SLCO1B3: variants seen among roughly 807,000 people sequenced by gnomAD.
The protein encoded by SLCO1B3 is liver-specific organic anion transporter 2.
A neutral mutation model predicts 71.8 loss-of-function variants in SLCO1B3; 72 were observed. The ratio of observed to expected loss-of-function variants is 1.00; its 90% CI spans 0.83 to 1.22. SLCO1B3 has a LOEUF of 1.22. Among genes scored for constraint, SLCO1B3 ranks in the 50% most tolerant of loss-of-function variants. SLCO1B3 has a pLI of 0.00. For synonymous variants in SLCO1B3, 298 were observed against 278.4 expected, an observed-to-expected ratio of 1.07 and a Z score of -0.70; for missense variants, 911 against 819.7, an observed-to-expected ratio of 1.11 and a Z score of -1.36.
intron 3 of SLCO1B3, among the ~76,000 whole-genome samples, chr12:20,854,057 G>A (rs1469934669): frequency 6.6e-6 from 1 of 151,984 alleles, no homozygotes; most frequent in East Asian, 1.9e-4. Flanking sequence ...TCATTGCACT[G>A]TAGGAGAAAA....
At chr12:20,835,980 G>T (rs992479481) in intron 3 of SLCO1B3, among the ~76,000 whole-genome samples, 9 of 152,142 alleles carry the variant, frequency 5.9e-5, no homozygotes, top group Non-Finnish European at 1.2e-4. Flanking sequence ...ATTTCAAATG[G>T]CAAGGGAGGC....
At chr12:20,855,856 C>G (rs1226284046) in intron 4 of SLCO1B3, among the ~76,000 whole-genome samples, 1 of 151,632 alleles carries the variant, frequency 6.6e-6, no homozygotes, top group Non-Finnish European at 1.5e-5. Flanking sequence ...ATAGCCTCTG[C>G]TAATTTTCCC....
chr12:20,912,256 T>A (rs567275538), intron 15 of SLCO1B3, among the ~76,000 whole-genome samples: 162 of 151,596 alleles, frequency 1.1e-3, no homozygotes, highest in Middle Eastern at 3.4e-3. Flanking sequence ...AGGACAGATA[T>A]TACATGATTT....
At chr12:20,839,992 T>C (rs1864762036) in intron 3 of SLCO1B3, among the ~76,000 whole-genome samples, 1 of 152,240 alleles carries the variant, frequency 6.6e-6, no homozygotes, top group Admixed American at 6.5e-5. Flanking sequence ...TTTTGATCTC[T>C]AGCATTTGTT....
At chr12:20,870,154 C>G (rs950528792) in intron 8 of SLCO1B3, among the ~76,000 whole-genome samples, 2 of 152,056 alleles carry the variant, frequency 1.3e-5, no homozygotes, top group Non-Finnish European at 2.9e-5. Context: ...CTATTCAGGT[C>G]TTTCACCTAT....
intron 15 of SLCO1B3, among the ~76,000 whole-genome samples, chr12:20,912,664 C>G (rs1471010277): frequency 1.3e-5 from 2 of 151,882 alleles, no homozygotes; most frequent in South Asian, 2.1e-4. Context: ...GCTGGGATTA[C>G]AGGCCTGCAC....
At position 20,888,602 on chromosome 12, in the gene SLCO1B3, G is replaced by A. The variant is rs1239446072; in HGVS notation, c.1682+5000G>A. On this transcript the variant is annotated intron_variant, in intron 13 of 15. Coordinates refer to ENST00000381545, the MANE Select transcript of SLCO1B3 (RefSeq NM_019844.4). ...AGAGGCTTTCAGAGGAGTTTTTAGGGTTTTCTAGGTGTAAGATTATATCAT... is the reference window on the plus strand; with the variant it reads ...AGAGGCTTTCAGAGGAGTTTTTAGGATTTTCTAGGTGTAAGATTATATCAT... 2.0e-5 allele frequency among the ~76,000 whole-genome samples: 3 copies of A among 152,022 alleles called. No homozygotes were observed. In the East Asian group the frequency reaches 5.8e-4, roughly 29 times the overall value.
At chr12:20,891,844 C>T (rs1865910277) in intron 13 of SLCO1B3, among the ~76,000 whole-genome samples, 1 of 151,910 alleles carries the variant, frequency 6.6e-6, no homozygotes, top group Admixed American at 6.6e-5. Flanking sequence ...TTTTGCAGTC[C>T]CTTCAATACA....
In SLCO1B3 at chr12:20,916,022, A is replaced by G. The variant is rs767778205; in HGVS notation, c.1884A>G (p.Leu628=). Residue 628 remains leucine, a synonymous_variant, in exon 16 of 16, where the codon TTA becomes TTG. Transcript: ENST00000381545. ...TTCACAGAAGGGTCTACTTGGGCTT[A>G]TCTATAGCTTTAAGATTCCCAGCAC... is the stretch of plus-strand genomic sequence containing the variant. ...SVFFGRVYLG[L]SIALRFPALV... The G allele has an allele frequency of 7.5e-6, 12 of 1,607,680 alleles. No homozygotes were observed. In the South Asian group the frequency reaches 1.3e-4, roughly 18 times the overall value.
chr12:20,896,760 T>C (rs1023523786), intron 13 of SLCO1B3, among the ~76,000 whole-genome samples: 1 of 152,162 alleles, frequency 6.6e-6, no homozygotes, highest in Non-Finnish European at 1.5e-5. Context: ...CCGGTACCAA[T>C]TTACTGTATT....
chr12:20,858,346 T>C, intron 4 of SLCO1B3, 93 bp from the exon 5 acceptor site: 1 of 847,966 alleles, frequency 1.2e-6, no homozygotes, highest in Non-Finnish European at 1.9e-6. Flanking sequence ...AGGTACAATG[T>C]CTTGGGCATA....
In SLCO1B3 at chr12:20,839,550, A is replaced by G. The variant is rs73081328; in HGVS notation, c.85-15478A>G. On this transcript the variant is annotated intron_variant, in intron 3 of 15. Coordinates refer to ENST00000381545, the MANE Select transcript of SLCO1B3 (RefSeq NM_019844.4). ...TCTTTGTTCCTATATAGGTAAGGAT[A>G]GGTATTTTATTTTCCCTCTGGTTTC... 8.1e-3 allele frequency among the ~76,000 whole-genome samples: 1,238 copies of G among 152,182 alleles called. 10 individuals carry two copies. The highest frequency in any genetic ancestry group is 0.011 in the Non-Finnish European group (769 of 67,978).
intron 13 of SLCO1B3, among the ~76,000 whole-genome samples, chr12:20,890,475 A>G (rs998457615): frequency 6.6e-6 from 1 of 152,214 alleles, no homozygotes; most frequent in African/African-American, 2.4e-5. Flanking sequence ...AGAAGAATGT[A>G]TATTCTGAGG....
intron 3 of SLCO1B3, among the ~76,000 whole-genome samples, chr12:20,845,443 A>G (rs908155132): frequency 5.3e-5 from 8 of 152,186 alleles, no homozygotes. Flanking sequence ...ACCTGTGACT[A>G]CCGCATTTGT....
At chr12:20,914,844 T>C (rs1866461321) in intron 15 of SLCO1B3, among the ~76,000 whole-genome samples, 2 of 152,128 alleles carry the variant, frequency 1.3e-5, no homozygotes, top group Non-Finnish European at 2.9e-5. Flanking sequence ...TGCTCTCTTC[T>C]TGCTTGCATG....
At chr12:20,842,622 C>T (rs536980954) in intron 3 of SLCO1B3, among the ~76,000 whole-genome samples, 25 of 152,262 alleles carry the variant, frequency 1.6e-4, no homozygotes, top group African/African-American at 5.5e-4. Flanking sequence ...TGAAAAATCT[C>T]TGCCTTTAAA....
Position 20,879,486 on chromosome 12 carries a change from A to T in SLCO1B3, c.1186A>T (p.Ile396Phe), listed in dbSNP as rs750153920. The change falls in exon 11 of 16, where the codon ATC becomes TTC. Residue 396 changes from isoleucine to phenylalanine, a missense_variant. Coordinates refer to ENST00000381545, the MANE Select transcript of SLCO1B3 (RefSeq NM_019844.4). ...AACTGGAATGTTTTTAGGAGGATTT[A>T]TCATTAAAAAATTCAAATTGTCTTT... is the stretch of plus-strand genomic sequence containing the variant. ...VATGMFLGGFIIKKFKLSLVG... is the reference protein window; with the variant it reads ...VATGMFLGGFFIKKFKLSLVG... 3.7e-6 allele frequency: 6 copies of T among 1,611,350 alleles called. No homozygotes were observed. In the Admixed American group the frequency reaches 1.0e-4, roughly 27 times the overall value.
intron 13 of SLCO1B3, among the ~76,000 whole-genome samples, chr12:20,892,150 C>CT (rs1865917824): frequency 6.6e-6 from 1 of 152,002 alleles, no homozygotes; most frequent in Non-Finnish European, 1.5e-5. Flanking sequence ...TTCCAGAATT[C>CT]TTTCTCTGGT....
rs1028685901 is a variant in SLCO1B3 at position 20,858,623 on chromosome 12, C to T, written c.359+52C>T. 5.3e-6 allele frequency: 8 copies of T among 1,522,328 alleles called. No homozygotes were observed. The African/African-American group carries it at 1.1e-4, about 21-fold the overall frequency. 94.3% of individuals were successfully genotyped at this position (1,522,328 alleles called of 1,614,324 possible). ...TTATTATCAGCTACTTGTAAATTAGCAGTAGAATTTTATTTTTATACTTGT... is the reference window on the plus strand; with the variant it reads ...TTATTATCAGCTACTTGTAAATTAGTAGTAGAATTTTATTTTTATACTTGT... On this transcript the variant is annotated intron_variant, in intron 5 of 15. Transcript: ENST00000381545.
Sources: gnomAD v4.1 joint callset for allele counts (sites outside exome capture counted in the v4.1 genomes callset) on GRCh38, gnomAD v4.1.1 for gene constraint, MANE v1.5 for transcripts, NCBI Gene and HGNC (gene_info 2026-07-23, HGNC 2026-07-21) for gene names.